TUSC3: variants seen among roughly 807,000 people sequenced by gnomAD.
The protein encoded by TUSC3 is tumor suppressor candidate 3.
Under a neutral mutation model 44.8 loss-of-function variants are expected in TUSC3, and 45 were observed. The observed-to-expected ratio is 1.00, with a 90% confidence interval of 0.79 to 1.29. The LOEUF is 1.29. Among genes scored for constraint, TUSC3 ranks in the 50% most tolerant of loss-of-function variants. The probability of loss-of-function intolerance (pLI) is 0.00; values close to 1 mark genes in which losing one functional copy is unlikely to be tolerated. For synonymous variants in TUSC3, 212 were observed against 152.9 expected (o/e 1.39, Z -2.85); for missense variants, 519 against 437.9 (o/e 1.19, Z -1.65).
At chr8:15,817,527 G>A in the TUSC3 span, among the ~76,000 whole-genome samples, 1 of 152,014 alleles carries the variant, frequency 6.6e-6, no homozygotes, top group East Asian at 1.9e-4. Flanking sequence ...TGAATCATGG[G>A]GGTGGTTACC....
chr8:15,461,462 G>A (rs937672231), intron 1 of TUSC3, among the ~76,000 whole-genome samples: 11 of 151,878 alleles, frequency 7.2e-5, no homozygotes, highest in Non-Finnish European at 1.0e-4. Flanking sequence ...TGAAGTGAGC[G>A]ATCATATCAT....
chr8:15,705,678 G>A (rs1480550700), intron 6 of TUSC3, among the ~76,000 whole-genome samples: 1 of 152,004 alleles, frequency 6.6e-6, no homozygotes, highest in African/African-American at 2.4e-5. Context: ...GAAGGTCTTT[G>A]TGCATCTCTT....
chr8:15,634,536 G>A (rs11774012), intron 2 of TUSC3, among the ~76,000 whole-genome samples: 24,557 of 152,026 alleles, frequency 0.16, 2,250 homozygotes, highest in South Asian at 0.33. Flanking sequence ...CATAAATTCC[G>A]TCTTAAGATT....
intron 1 of TUSC3, among the ~76,000 whole-genome samples, chr8:15,457,209 C>T (rs1800268461): frequency 6.6e-6 from 1 of 151,350 alleles, no homozygotes; most frequent in African/African-American, 2.4e-5. Context: ...GGAGATACAC[C>T]TAAAGTAAAT....
At chr8:15,715,585 T>C (rs1267858526) in intron 6 of TUSC3, among the ~76,000 whole-genome samples, 4 of 152,146 alleles carry the variant, frequency 2.6e-5, no homozygotes, top group Non-Finnish European at 4.4e-5. Context: ...ATTGTTTACT[T>C]CTGGAATTTT....
intron 2 of TUSC3, among the ~76,000 whole-genome samples, chr8:15,526,480 G>C (rs1801374572): frequency 6.6e-6 from 1 of 152,154 alleles, no homozygotes; most frequent in Admixed American, 6.5e-5. Flanking sequence ...TTGTGGGAGG[G>C]ACCCAGTGGG....
intron 5 of TUSC3, among the ~76,000 whole-genome samples, chr8:15,668,770 C>A (rs1296859463): frequency 6.6e-6 from 1 of 151,726 alleles, no homozygotes; most frequent in Non-Finnish European, 1.5e-5. Flanking sequence ...GGATTATTGT[C>A]TAGTGTCACT....
chr8:15,532,814 G>C (rs1477825450), intron 2 of TUSC3, among the ~76,000 whole-genome samples: 1 of 152,134 alleles, frequency 6.6e-6, no homozygotes, highest in African/African-American at 2.4e-5. Context: ...GGTTTTTAGA[G>C]ACAGTTTCGC....
chr8:15,790,488 A>G, the TUSC3 span, among the ~76,000 whole-genome samples: 1 of 152,030 alleles, frequency 6.6e-6, no homozygotes, highest in African/African-American at 2.4e-5. Flanking sequence ...CGGCCTCACC[A>G]TGGCATTTGT....
chr8:15,571,921 G>T (rs1440984476), intron 1 of TUSC3, among the ~76,000 whole-genome samples: 1 of 152,094 alleles, frequency 6.6e-6, no homozygotes, highest in Non-Finnish European at 1.5e-5. Context: ...AGTAAACTGT[G>T]CTTTAAACAT....
At chr8:15,577,718 C>A (rs1322745139) in intron 1 of TUSC3, among the ~76,000 whole-genome samples, 22 of 142,836 alleles carry the variant, frequency 1.5e-4, no homozygotes, top group Non-Finnish European at 3.4e-4. Context: ...TTACTGTAGC[C>A]TTGTAGTATA....
chr8:15,790,996 C>T, the TUSC3 span, among the ~76,000 whole-genome samples: 1 of 151,906 alleles, frequency 6.6e-6, no homozygotes, highest in Admixed American at 6.6e-5. Context: ...CTTACACTAC[C>T]GTATGGGGCA....
intron 1 of TUSC3, among the ~76,000 whole-genome samples, chr8:15,468,064 T>C (rs1800437324): frequency 6.6e-6 from 1 of 152,176 alleles, no homozygotes; most frequent in Non-Finnish European, 1.5e-5. Flanking sequence ...AGAGAATGAG[T>C]ATCAGGTACA....
At chr8:15,420,464 C>T (rs1799724886) in intron 1 of TUSC3, among the ~76,000 whole-genome samples, 1 of 151,884 alleles carries the variant, frequency 6.6e-6, no homozygotes, top group South Asian at 2.1e-4. Flanking sequence ...TGCCACTGCA[C>T]TCCAGCCTGG....
intron 8 of TUSC3, among the ~76,000 whole-genome samples, chr8:15,745,236 T>C (rs914817436): frequency 6.6e-6 from 1 of 152,072 alleles, no homozygotes; most frequent in African/African-American, 2.4e-5. Context: ...TGATTTCATT[T>C]TTTTGCTGAT....
chr8:15,627,067 C>G (rs929159670), intron 2 of TUSC3, among the ~76,000 whole-genome samples: 22 of 152,208 alleles, frequency 1.4e-4, no homozygotes, highest in Non-Finnish European at 4.4e-5. Flanking sequence ...TCAGCGCACA[C>G]TATATCTGGC....
At chr8:15,473,879 T>C (rs1321252059) in intron 1 of TUSC3, among the ~76,000 whole-genome samples, 2 of 151,974 alleles carry the variant, frequency 1.3e-5, no homozygotes, top group African/African-American at 2.4e-5. Context: ...GAAAACAGGG[T>C]TTGAGAGCAG....
chr8:15,817,486 T>C, the TUSC3 span, among the ~76,000 whole-genome samples: 1 of 152,106 alleles, frequency 6.6e-6, no homozygotes, highest in Non-Finnish European at 1.5e-5. Context: ...GTAATCCCCA[T>C]GTGTTGTGGA....
At chr8:15,768,598 A>C (rs1269487787), downstream of TUSC3, among the ~76,000 whole-genome samples, 1 of 152,114 alleles carries the variant, frequency 6.6e-6, no homozygotes, top group Non-Finnish European at 1.5e-5. Context: ...TAAATAAAGA[A>C]TATCAGTAAA....
Sources: gnomAD v4.1 joint callset for allele counts (sites outside exome capture counted in the v4.1 genomes callset) on GRCh38, gnomAD v4.1.1 for gene constraint, MANE v1.5 for transcripts, NCBI Gene and HGNC (gene_info 2026-07-23, HGNC 2026-07-21) for gene names.